C1GALT1: variants seen among roughly 807,000 people sequenced by gnomAD.
The protein encoded by C1GALT1 is core 1 synthase, glycoprotein-N-acetylgalactosamine 3-beta-galactosyltransferase 1.
C1GALT1 carries 11 observed loss-of-function variants against 31.0 expected under a neutral mutation model. The ratio of observed to expected loss-of-function variants is 0.36; its 90% CI spans 0.22 to 0.59. The LOEUF is 0.59. Ranked by LOEUF, C1GALT1 falls within the 20% of genes least tolerant of loss-of-function variation. The pLI, the probability that C1GALT1 is intolerant of heterozygous loss-of-function variation, is 0.79. For synonymous variants in C1GALT1, 175 were observed against 143.6 expected (o/e 1.22, Z -1.56); for missense variants, 424 against 425.2 (o/e 1.00, Z 0.03).
At chr7:7,159,043 T>C (rs896997515) in intron 2 of C1GALT1, among the ~76,000 whole-genome samples, 1 of 152,164 alleles carries the variant, frequency 6.6e-6, no homozygotes, top group African/African-American at 2.4e-5. Context: ...TAGGGCATGT[T>C]TGTGACTTAT....
In C1GALT1 at chr7:7,248,191, T is replaced by C. The variant is rs949322908; in HGVS notation, c.*4464T>C. The C allele has an allele frequency of 1.3e-5, 2 of 152,026 alleles. No individual in the cohort carries two copies. Among genetic ancestry groups the C allele is most frequent in the African/African-American group, 2.4e-5 (1 of 41,450 alleles). 9.4% of individuals were successfully genotyped at this position (152,026 alleles called of 1,614,324 possible). A position where few individuals can be genotyped will look rare whatever the true frequency, so the allele number is the denominator to read the frequency against. ...TATATATAAGATTTGAAATAAAAAC[T>C]TTAATACAGGCTAGAATAAGGAATT... On this transcript the variant is annotated 3_prime_UTR_variant, in exon 4 of 4. Coordinates refer to ENST00000436587, the MANE Select transcript of C1GALT1 (RefSeq NM_020156.5).
chr7:7,212,622 A>G (rs1013938099), intron 1 of C1GALT1, among the ~76,000 whole-genome samples: 1 of 152,136 alleles, frequency 6.6e-6, no homozygotes, highest in African/African-American at 2.4e-5. Flanking sequence ...TGAGTCAGAG[A>G]AAGGAGTCAT....
At chr7:7,225,981 C>A (rs1428697063) in intron 1 of C1GALT1, among the ~76,000 whole-genome samples, 3 of 152,042 alleles carry the variant, frequency 2.0e-5, no homozygotes, top group African/African-American at 7.2e-5. Context: ...GGTGAAAATT[C>A]CAATTTACCA....
At chr7:7,164,214 G>C (rs1036797695) in intron 2 of C1GALT1, among the ~76,000 whole-genome samples, 14 of 152,172 alleles carry the variant, frequency 9.2e-5, no homozygotes, top group Non-Finnish European at 1.9e-4. Context: ...CAAGCAATGG[G>C]GAAAGGATTC....
chr7:7,215,446 C>A (rs569608778), intron 1 of C1GALT1, among the ~76,000 whole-genome samples: 5 of 150,762 alleles, frequency 3.3e-5, no homozygotes, highest in Admixed American at 6.6e-5. Context: ...ACACTTTTGC[C>A]AGCATATCAG....
At chr7:7,227,912 C>T (rs1244350887) in intron 1 of C1GALT1, among the ~76,000 whole-genome samples, 1 of 152,148 alleles carries the variant, frequency 6.6e-6, no homozygotes, top group Non-Finnish European at 1.5e-5. Flanking sequence ...GAAATAAATG[C>T]TTTCTCTTTA....
chr7:7,192,997 G>T (rs1781138076), intron 1 of C1GALT1, among the ~76,000 whole-genome samples: 2 of 151,720 alleles, frequency 1.3e-5, no homozygotes, highest in Non-Finnish European at 2.9e-5. Flanking sequence ...CTTTTTGATG[G>T]GATTGTTTGT....
At chr7:7,216,743 G>T (rs926891725) in intron 1 of C1GALT1, among the ~76,000 whole-genome samples, 1 of 152,166 alleles carries the variant, frequency 6.6e-6, no homozygotes, top group African/African-American at 2.4e-5. Flanking sequence ...CCACTGATGG[G>T]ACAATATCGG....
At position 7,248,494 on chromosome 7, in the gene C1GALT1, CTTATTT is replaced by C. The variant is rs1326823969; in HGVS notation, c.*4771_*4776del. The C allele has an allele frequency of 3.3e-5, 5 of 152,050 alleles. No individual in the cohort carries two copies. The South Asian group carries it at 6.2e-4, about 19-fold the overall frequency. 9.4% of individuals were successfully genotyped at this position (152,050 alleles called of 1,614,324 possible). ...TGGTTTAAAAATGTCTGGTGACTTG[CTTATTT>C]TTAAGTGATCACCATTAAGTCAGAA... On this transcript the variant is annotated 3_prime_UTR_variant, in exon 4 of 4. Coordinates refer to ENST00000436587, the MANE Select transcript of C1GALT1 (RefSeq NM_020156.5).
At chr7:7,179,877 A>G (rs1042916725), upstream of C1GALT1, among the ~76,000 whole-genome samples, 1 of 150,984 alleles carries the variant, frequency 6.6e-6, no homozygotes, top group Non-Finnish European at 1.5e-5. Flanking sequence ...AAAAAAAAAA[A>G]GGGATGGGTG....
At chr7:7,241,109 A>C (rs74296235) in intron 3 of C1GALT1, among the ~76,000 whole-genome samples, 2,606 of 151,856 alleles carry the variant, frequency 0.017, 83 homozygotes, top group African/African-American at 0.059. Flanking sequence ...TTACATATAT[A>C]TCTCTCTACA....
intron 2 of C1GALT1, among the ~76,000 whole-genome samples, chr7:7,236,764 T>G (rs1198533733): frequency 6.6e-6 from 1 of 152,120 alleles, no homozygotes; most frequent in African/African-American, 2.4e-5. Context: ...GACCTCGTGA[T>G]CTACCCGCCT....
chr7:7,160,209 C>G (rs539246418), intron 2 of C1GALT1, among the ~76,000 whole-genome samples: 46 of 152,178 alleles, frequency 3.0e-4, no homozygotes, highest in Middle Eastern at 3.4e-3. Flanking sequence ...AGATCTGTTT[C>G]TTCTCAACTC....
chr7:7,195,308 A>G (rs906741229), intron 1 of C1GALT1, among the ~76,000 whole-genome samples: 3 of 152,250 alleles, frequency 2.0e-5, no homozygotes, highest in South Asian at 4.1e-4. Context: ...GTAGGCATTC[A>G]TTGCTGTGAA....
At chr7:7,176,677 T>C (rs957175179) in intron 2 of C1GALT1, among the ~76,000 whole-genome samples, 5 of 152,220 alleles carry the variant, frequency 3.3e-5, no homozygotes, top group African/African-American at 1.2e-4. Flanking sequence ...CTAGACTTTT[T>C]TTCTTTATTT....
At chr7:7,189,827 A>T (rs773904095) in intron 1 of C1GALT1, among the ~76,000 whole-genome samples, 6 of 152,168 alleles carry the variant, frequency 3.9e-5, no homozygotes, top group Non-Finnish European at 5.9e-5. Context: ...AAAATACTGA[A>T]ATCTTAGAAA....
Position 7,238,813 on chromosome 7 carries a change from C to T in C1GALT1, c.779C>T (p.Thr260Ile). 1 of 1,613,698 alleles carries T rather than the reference C, an allele frequency of 6.2e-7. No individual in the cohort carries two copies. Among genetic ancestry groups the T allele is most frequent in the Non-Finnish European group, 8.5e-7 (1 of 1,179,852 alleles). ...MNVEAGDSRDTIGKETFHPFV... is the reference protein window; with the variant it reads ...MNVEAGDSRDIIGKETFHPFV... ...GTAGAAGCAGGAGATTCCAGAGATA[C>T]CATTGGAAAAGAAACTTTTCATCCC... The change falls in exon 3 of 4, where the codon ACC (threonine) becomes ATC (isoleucine). Residue 260 changes from threonine (T) to isoleucine (I), a missense_variant. Transcript: ENST00000436587. This position sits in a 1 kb window ranked among gnomAD's most constrained non-coding sequence, Gnocchi z 5.2.
At chr7:7,174,208 C>G (rs1041059060) in intron 2 of C1GALT1, among the ~76,000 whole-genome samples, 1 of 152,152 alleles carries the variant, frequency 6.6e-6, no homozygotes, top group African/African-American at 2.4e-5. Flanking sequence ...TTAGAGACCC[C>G]ATCTCCAAAT....
At chr7:7,172,237 T>G (rs73043778) in intron 2 of C1GALT1, among the ~76,000 whole-genome samples, 207 of 152,332 alleles carry the variant, frequency 1.4e-3, no homozygotes, top group South Asian at 2.7e-3. Context: ...TTAATAGGTT[T>G]CATTTTCTTT....
Sources: allele counts gnomAD v4.1 joint callset (sites outside exome capture counted in the v4.1 genomes callset), GRCh38; gene constraint gnomAD v4.1.1; non-coding constraint Gnocchi (gnomAD v3.1); transcripts MANE v1.5; gene names NCBI Gene and HGNC (gene_info 2026-07-23, HGNC 2026-07-21).